FBLN5: variants seen among roughly 807,000 people sequenced by gnomAD.
FBLN5 encodes the protein fibulin-5.
Under a neutral mutation model 61.6 loss-of-function variants are expected in FBLN5, and 24 were observed. The observed-to-expected ratio is 0.39, with a 90% CI of 0.28 to 0.55. The LOEUF (loss-of-function observed/expected upper bound fraction) is 0.55, where lower values mean the gene tolerates loss of function less well. Among genes scored for constraint, FBLN5 ranks in the 20% least tolerant of loss-of-function variants. The pLI, the probability that FBLN5 is intolerant of heterozygous loss-of-function variation, is 0.65. For missense variants in FBLN5, 470 were observed against 594.1 expected (o/e 0.79, Z 2.17); for synonymous variants, 213 against 219.8 (o/e 0.97, Z 0.27).
chr14:91,894,604 C>T (rs1435519494), intron 5 of FBLN5, among the ~76,000 whole-genome samples: 1 of 150,206 alleles, frequency 6.7e-6, no homozygotes, highest in African/African-American at 2.5e-5. Flanking sequence ...TGCCTATGAT[C>T]CTAGCTACTC....
At chr14:91,897,789 T>G (rs1890285934) in intron 4 of FBLN5, among the ~76,000 whole-genome samples, 1 of 152,234 alleles carries the variant, frequency 6.6e-6, no homozygotes, top group African/African-American at 2.4e-5. Flanking sequence ...GGCTCATGCC[T>G]GTAATCCCAG....
At position 91,877,165 on chromosome 14, in the gene FBLN5, T is replaced by C. The variant is rs192018451; in HGVS notation, c.1185+322A>G. On this transcript the variant is annotated intron_variant, in intron 10 of 10. Transcript: ENST00000342058. ...GCCTGCATAGGAGGTACTTAAGAAATACTTGTCACATGGGTTGGTTGAAAA... is the reference window on the plus strand; with the variant it reads ...GCCTGCATAGGAGGTACTTAAGAAACACTTGTCACATGGGTTGGTTGAAAA... Among the ~76,000 whole-genome samples the C allele has an allele frequency of 2.6e-3, 402 of 152,290 alleles. 1 individual carries two copies. The highest frequency in any genetic ancestry group is 3.7e-3 in the Non-Finnish European group (252 of 68,028).
intron 4 of FBLN5, among the ~76,000 whole-genome samples, chr14:91,926,884 C>G (rs568098284): frequency 3.3e-5 from 5 of 152,076 alleles, no homozygotes; most frequent in African/African-American, 7.2e-5. Context: ...AAAACATTCC[C>G]GGAAGATAAG....
chr14:91,901,825 G>A (rs1363596507), intron 4 of FBLN5, among the ~76,000 whole-genome samples: 3 of 152,228 alleles, frequency 2.0e-5, no homozygotes, highest in East Asian at 3.9e-4. Context: ...TTCATTTTGC[G>A]CCTCTGATTA....
Position 91,947,129 on chromosome 14 carries a change from C to G in FBLN5, c.17+84G>C, listed in dbSNP as rs777670483. The G allele has an allele frequency of 6.3e-6, 10 of 1,596,612 alleles. No homozygotes were observed. The highest frequency in any genetic ancestry group is 1.7e-4 in the Middle Eastern group (1 of 6,032). On this transcript the variant is annotated intron_variant, in intron 1 of 10. Coordinates refer to ENST00000342058, the MANE Select transcript of FBLN5 (RefSeq NM_006329.4). This position sits in a 1 kb window ranked among gnomAD's most constrained non-coding sequence, Gnocchi z 4.3. Reference sequence around the variant, plus strand: ...CAATATCCTGACACCGCCTGAATCGCAGCCATAACCATTTTCCACCCATCG... The same window carrying G: ...CAATATCCTGACACCGCCTGAATCGGAGCCATAACCATTTTCCACCCATCG...
chr14:91,907,782 C>T (rs1595320469), intron 4 of FBLN5, among the ~76,000 whole-genome samples: 2 of 152,128 alleles, frequency 1.3e-5, no homozygotes, highest in South Asian at 2.1e-4. Context: ...CAGCCATCCT[C>T]TCCTGCATGT....
At position 91,915,146 on chromosome 14, in the gene FBLN5, C is replaced by A. The variant is rs990659138; in HGVS notation, c.380-20074G>T. On this transcript the variant is annotated intron_variant, in intron 4 of 10. Coordinates refer to ENST00000342058, the MANE Select transcript of FBLN5 (RefSeq NM_006329.4). The stretch of plus-strand genomic sequence containing the variant: ...CTGCACTCCAGCCTGGGCAACAGAG[C>A]AAGTTTCTGTCTAAAAAAATAAAAA... 8.6e-5 allele frequency among the ~76,000 whole-genome samples: 13 copies of A among 150,552 alleles called. No individual in the cohort carries two copies. The East Asian group carries it at 2.5e-3, about 29-fold the overall frequency.
At chr14:91,881,444 G>A (rs368377708) in intron 8 of FBLN5, 26 bp from the exon 9 acceptor site, 181 of 1,613,902 alleles carry the variant, frequency 1.1e-4, no homozygotes, top group Middle Eastern at 5.0e-4. Flanking sequence ...GACAAGAAGC[G>A]GAGGCAGGGC....
intron 4 of FBLN5, among the ~76,000 whole-genome samples, chr14:91,905,327 G>C (rs763160347): frequency 6.6e-6 from 1 of 152,120 alleles, no homozygotes; most frequent in Non-Finnish European, 1.5e-5. Flanking sequence ...GGCAAGAGAG[G>C]AGGGCAGATG....
At chr14:91,917,639 T>C (rs1247764004) in intron 4 of FBLN5, among the ~76,000 whole-genome samples, 4 of 151,414 alleles carry the variant, frequency 2.6e-5, no homozygotes, top group African/African-American at 9.7e-5. Context: ...GGTAGTTTAT[T>C]GTTGTTTTGC....
At chr14:91,870,654 C>G (rs867035038) in intron 10 of FBLN5, among the ~76,000 whole-genome samples, 1 of 152,212 alleles carries the variant, frequency 6.6e-6, no homozygotes, top group Non-Finnish European at 1.5e-5. Flanking sequence ...ACGCTGCAGC[C>G]TTTACTTTGT....
At chr14:91,873,422 C>T (rs1424564179) in intron 10 of FBLN5, 1 of 152,348 alleles carries the variant, frequency 6.6e-6, no homozygotes, top group Non-Finnish European at 1.5e-5. Flanking sequence ...TGGTACTAGA[C>T]TTTATGGCTC....
At chr14:91,877,228 G>A (rs1889207178) in intron 10 of FBLN5, among the ~76,000 whole-genome samples, 1 of 152,176 alleles carries the variant, frequency 6.6e-6, no homozygotes, top group Non-Finnish European at 1.5e-5. Context: ...AATATTAGGA[G>A]AAAAGAGACC....
At chr14:91,887,169 GT>G in intron 7 of FBLN5, 23 bp downstream of exon 7, 2 of 1,613,524 alleles carry the variant, frequency 1.2e-6, no homozygotes, top group Non-Finnish European at 1.7e-6. Context: ...ACAGGTGGAA[GT>G]TTCCAATGCG....
intron 4 of FBLN5, among the ~76,000 whole-genome samples, chr14:91,935,197 G>A (rs764361607): frequency 1.3e-5 from 2 of 152,248 alleles, no homozygotes; most frequent in Non-Finnish European, 1.5e-5. Context: ...GAGGGACCAG[G>A]GGAGGAATAG....
intron 4 of FBLN5, among the ~76,000 whole-genome samples, chr14:91,930,531 C>G (rs2268003): frequency 0.019 from 2,923 of 152,268 alleles, 95 homozygotes; most frequent in South Asian, 0.12. Context: ...CATGGTTTCA[C>G]GCATTTTCCT....
chr14:91,938,102 G>A (rs754476818), intron 3 of FBLN5, among the ~76,000 whole-genome samples: 2 of 152,206 alleles, frequency 1.3e-5, no homozygotes, highest in African/African-American at 4.8e-5. Flanking sequence ...CCTAACAATT[G>A]TCTCCACTTC....
At chr14:91,873,551 A>G (rs1312270081) in intron 10 of FBLN5, 2 of 152,462 alleles carry the variant, frequency 1.3e-5, no homozygotes, top group African/African-American at 4.8e-5. Context: ...TGTGTTTGCT[A>G]GGTTGTTTTC....
Position 91,937,064 on chromosome 14 carries a change from AG to A in FBLN5, c.261del (p.Tyr88ThrfsTer80). The part of the protein sequence containing the change: ...RGPYSNPYST[P>X]YSGPYPAAAP... ...GCAGCTGCTGGGTACGGACCTGAGT[AG>A]GGGGTCGAGTAGGGGTTCGAGTAGG... On this transcript the variant is annotated frameshift_variant, in exon 4 of 11. Transcript: ENST00000342058. LOFTEE classifies it high-confidence loss of function. 1 of 1,613,990 alleles carries A rather than the reference AG, an allele frequency of 6.2e-7. No homozygotes were observed. The highest frequency in any genetic ancestry group is 8.5e-7 in the Non-Finnish European group (1 of 1,179,948).
Sources: gnomAD v4.1 joint callset for allele counts (sites outside exome capture counted in the v4.1 genomes callset) on GRCh38, gnomAD v4.1.1 for gene constraint, Gnocchi (gnomAD v3.1) non-coding constraint, MANE v1.5 for transcripts, NCBI Gene and HGNC (gene_info 2026-07-23, HGNC 2026-07-21) for gene names.